Variants in RBM4B observed in about 807,000 individuals in gnomAD.
RBM4B encodes the protein RNA binding motif protein 4B.
In RBM4B, 13 loss-of-function variants were observed where a neutral mutation model predicts 28.5. The observed-to-expected ratio is 0.46, with a 90% CI of 0.30 to 0.72. The LOEUF is 0.72. Among genes scored for constraint, RBM4B ranks in the 30% least tolerant of loss-of-function variants. The probability of loss-of-function intolerance (pLI) is 0.09; values close to 1 mark genes in which losing one functional copy is unlikely to be tolerated. For missense variants in RBM4B, 387 were observed against 477.6 expected (o/e 0.81, Z 1.77); for synonymous variants, 167 against 179.1 (o/e 0.93, Z 0.54).
At chr11:66,676,439 C>T (rs1437496123) in intron 2 of RBM4B, 2 of 602,534 alleles carry the variant, frequency 3.3e-6, no homozygotes, top group African/African-American at 3.7e-5. Flanking sequence ...TAAAGTAACC[C>T]ACAGTTTGTG....
intron 3 of RBM4B, chr11:66,666,233 C>T: frequency 1.0e-6 from 1 of 969,522 alleles, no homozygotes; most frequent in Non-Finnish European, 1.3e-6. Flanking sequence ...ATGGGAACTC[C>T]AGACACCAAT....
chr11:66,668,385 AT>A (rs1939325187), intron 3 of RBM4B: 4 of 482,698 alleles, frequency 8.3e-6, no homozygotes, highest in African/African-American at 5.7e-5. Context: ...AACAAACTGA[AT>A]TTGTTGTTCT....
In RBM4B at chr11:66,677,834, G is replaced by C. The variant is rs1939695842; in HGVS notation, c.-83C>G. 1 of 152,710 alleles carries C rather than the reference G, an allele frequency of 6.5e-6. No homozygotes were observed. The highest frequency in any genetic ancestry group is 1.5e-5 in the Non-Finnish European group (1 of 68,106). 9.5% of individuals were successfully genotyped at this position (152,710 alleles called of 1,614,324 possible). On this transcript the variant is annotated 5_prime_UTR_variant, in exon 1 of 4. Transcript: ENST00000310046. ...TTACAAAATGGCGACGGCCGCTCGA[G>C]CCTGGACGCGACCGGGCCCTTTCTC... is the stretch of plus-strand genomic sequence containing the variant.
rs939320839 is a variant in RBM4B, at chr11:66,671,572, CT to C, written c.413-2282del. On this transcript the variant is annotated intron_variant, in intron 2 of 3. Coordinates refer to ENST00000310046, the MANE Select transcript of RBM4B (RefSeq NM_031492.4). ...AATTTGCACTTTACTTTTATAGATTCTGGGTCCATTTTTTGGAGAAACAAAA... is the reference window on the plus strand; with the variant it reads ...AATTTGCACTTTACTTTTATAGATTCGGGTCCATTTTTTGGAGAAACAAAA... Among the ~76,000 whole-genome samples the C allele has an allele frequency of 8.5e-5, 13 of 152,122 alleles. 2 individuals carry two copies. Among genetic ancestry groups the C allele is most frequent in the Admixed American group, 7.9e-4 (12 of 15,276 alleles).
rs763934522 is a variant in RBM4B, at chr11:66,669,239, A to T, written c.465T>A (p.Gly155=). 9 of 1,614,130 alleles carry T rather than the reference A, an allele frequency of 5.6e-6. No individual in the cohort carries two copies. In the South Asian group the frequency reaches 7.7e-5, roughly 14 times the overall value. Residue 155 remains glycine (G), a synonymous_variant, in exon 3 of 4, where the codon GGT becomes GGA. Coordinates refer to ENST00000310046, the MANE Select transcript of RBM4B (RefSeq NM_031492.4). ...LSTSRLRTAP[G]MGDQSGCYRC... ...GATAGCAGCCACTCTGGTCTCCCAT[A>T]CCAGGGGCAGTCCGAAGCCGGCTTG... is the stretch of plus-strand genomic sequence containing the variant.
intron 1 of RBM4B, 149 bp from the exon 2 acceptor site, chr11:66,677,240 G>T: frequency 9.7e-7 from 1 of 1,034,746 alleles, no homozygotes; most frequent in Non-Finnish European, 1.4e-6. Flanking sequence ...AAGAAGGGCG[G>T]TTTGTTCTCG....
intron 3 of RBM4B, chr11:66,666,128 A>C: frequency 1.3e-6 from 1 of 771,334 alleles, no homozygotes; most frequent in Non-Finnish European, 2.0e-6. Flanking sequence ...TCACAGAGTG[A>C]GAGCCACAGT....
In RBM4B at chr11:66,665,388, G is replaced by A. The variant is rs578125943; in HGVS notation, c.*200C>T. The A allele has an allele frequency of 1.6e-6, 1 of 623,764 alleles. No homozygotes were observed. The highest frequency in any genetic ancestry group is 1.9e-5 in the South Asian group (1 of 52,796). 38.6% of individuals were successfully genotyped at this position (623,764 alleles called of 1,614,324 possible). On this transcript the variant is annotated 3_prime_UTR_variant, in exon 4 of 4. Transcript: ENST00000310046. ...TGAGAATATAAGGAACAGAGTGAAA[G>A]GCTACAGAGACTAGTTTCAGGAGGA...
intron 2 of RBM4B, among the ~76,000 whole-genome samples, chr11:66,674,717 AC>A (rs1291472759): frequency 2.6e-5 from 4 of 151,618 alleles, no homozygotes; most frequent in African/African-American, 9.7e-5. Context: ...ACAGGCACAC[AC>A]TACCACGCCT....
At chr11:66,671,946 AC>A (rs1180832981) in intron 2 of RBM4B, among the ~76,000 whole-genome samples, 1 of 151,826 alleles carries the variant, frequency 6.6e-6, no homozygotes. Context: ...ATGGGGTTTC[AC>A]CATCTTGGCC....
rs555738539 is a variant in RBM4B, at chr11:66,673,940, C to CT, written c.412+2727dup. Among the ~76,000 whole-genome samples the CT allele has an allele frequency of 1.7e-4, 26 of 152,310 alleles. No individual in the cohort carries two copies. In the South Asian group the frequency reaches 2.1e-3, roughly 12 times the overall value. The stretch of plus-strand genomic sequence containing the variant: ...ACCAGAGCTAGTTATAAAAACGTCT[C>CT]TATAACTAGGAGGAGAGTGCTATCT... On this transcript the variant is annotated intron_variant, in intron 2 of 3. Coordinates refer to ENST00000310046, the MANE Select transcript of RBM4B (RefSeq NM_031492.4).
intron 2 of RBM4B, 124 bp downstream of exon 2, chr11:66,676,544 A>T: frequency 1.7e-6 from 2 of 1,150,238 alleles, no homozygotes; most frequent in Non-Finnish European, 2.5e-6. Context: ...CGGTAAACAT[A>T]ATCTATTATT....
Position 66,668,632 on chromosome 11 carries a change from C to G in RBM4B, c.1072G>C (p.Ala358Pro), listed in dbSNP as rs3891724. The change falls in exon 3 of 4, where the codon GCC becomes CCC. Residue 358 changes from alanine to proline, a missense_variant. Ala to Pro is a conservative substitution (Grantham distance 27). This residue lies in a region of RBM4B where 226 missense variants were observed against 220.6 expected (regional missense o/e 1.02). Transcript: ENST00000310046. ...TCTCTCACCTCCAGTTTTTAAAAGG[C>G]TGAGTACCGGGCTCGGTCCACATAC... The part of the protein sequence containing the change: ...EQYVDRARYS[A>P]F 6.3e-7 allele frequency: 1 copy of G among 1,598,430 alleles called. No individual in the cohort carries two copies. Among genetic ancestry groups the G allele is most frequent in the East Asian group, 2.2e-5 (1 of 44,470 alleles).
chr11:66,666,808 C>G (rs1268261618), intron 3 of RBM4B: 1 of 152,144 alleles, frequency 6.6e-6, no homozygotes, highest in Non-Finnish European at 1.5e-5. Flanking sequence ...CAAGAGATCT[C>G]AAGTCTTGCT....
At chr11:66,676,412 G>A (rs893608259) in intron 2 of RBM4B, 5 of 575,968 alleles carry the variant, frequency 8.7e-6, no homozygotes, top group Non-Finnish European at 1.5e-5. Flanking sequence ...TCGAATCAAT[G>A]CAAGAATCCC....
rs1178404254 is a variant in RBM4B, at chr11:66,668,906, A to T, written c.798T>A (p.Thr266=). 2.5e-6 allele frequency: 4 copies of T among 1,614,058 alleles called. No homozygotes were observed. In the African/African-American group the frequency reaches 5.3e-5, roughly 22 times the overall value. Residue 266 remains threonine, a synonymous_variant, in exon 3 of 4, where the codon ACT becomes ACA. Transcript: ENST00000310046. ...GGTGTCTGTCATAGGGATCAACAGA[A>T]GTAGAGTTGAGGTGGCTGGTCACAG... is the stretch of plus-strand genomic sequence containing the variant. ...STTVTSHLNS[T]SVDPYDRHLL...
rs1939693841 is a variant in RBM4B at position 66,677,812 on chromosome 11, CA to C, written c.-62del. 1 of 152,710 alleles carries C rather than the reference CA, an allele frequency of 6.5e-6. No individual in the cohort carries two copies. Among genetic ancestry groups the C allele is most frequent in the African/African-American group, 2.4e-5 (1 of 41,468 alleles). 9.5% of individuals were successfully genotyped at this position (152,710 alleles called of 1,614,324 possible). A position where few individuals can be genotyped will look rare whatever the true frequency, so the allele number is the denominator to read the frequency against. ...GGCTCCCACGTCAGAGAGAACCTTA[CA>C]AAATGGCGACGGCCGCTCGAGCCTG... On this transcript the variant is annotated 5_prime_UTR_variant, in exon 1 of 4. Transcript: ENST00000310046.
intron 2 of RBM4B, among the ~76,000 whole-genome samples, chr11:66,671,823 C>G (rs948126966): frequency 2.0e-5 from 3 of 152,128 alleles, no homozygotes; most frequent in Non-Finnish European, 4.4e-5. Context: ...TCACTGCAAC[C>G]TCCACCTCGC....
chr11:66,670,909 C>T (rs1306227392), intron 2 of RBM4B: 2 of 702,430 alleles, frequency 2.8e-6, no homozygotes, highest in Admixed American at 2.0e-5. Context: ...CCTCTGCAAT[C>T]AGCAAGTTGC....
Sources: allele counts gnomAD v4.1 joint callset (sites outside exome capture counted in the v4.1 genomes callset), GRCh38; gene constraint gnomAD v4.1.1; regional missense constraint gnomAD v4.1.1; transcripts MANE v1.5; gene names NCBI Gene and HGNC (gene_info 2026-07-23, HGNC 2026-07-21).